Variants in VPS13B observed in about 807,000 individuals in gnomAD.
The protein encoded by VPS13B is vacuolar protein sorting 13 homolog B.
Under a neutral mutation model 426.4 loss-of-function variants are expected in VPS13B, and 285 were observed. The observed-to-expected ratio is 0.67, with a 90% CI of 0.61 to 0.74. The LOEUF (loss-of-function observed/expected upper bound fraction) is 0.74, where lower values mean the gene tolerates loss of function less well. VPS13B is among the 30% of genes least tolerant of loss of function. The pLI is 0.00. For synonymous variants in VPS13B, 1,676 were observed against 1,676.4 expected (o/e 1.00, Z 0.01); for missense variants, 4,537 against 4,782.6 (o/e 0.95, Z 1.51).
At chr8:99,062,399 C>T (rs1264395154) in intron 3 of VPS13B, among the ~76,000 whole-genome samples, 4 of 152,160 alleles carry the variant, frequency 2.6e-5, no homozygotes, top group Admixed American at 1.3e-4. Flanking sequence ...TATCATTATT[C>T]TTTTCTTTTA....
At chr8:99,022,559 A>AT (rs1421420444) in intron 2 of VPS13B, among the ~76,000 whole-genome samples, 2 of 152,294 alleles carry the variant, frequency 1.3e-5, no homozygotes, top group East Asian at 1.9e-4. Context: ...TGTGCAATTG[A>AT]TAAAAAGTGT....
intron 3 of VPS13B, among the ~76,000 whole-genome samples, chr8:99,083,804 A>G (rs1334877624): frequency 7.5e-6 from 1 of 133,744 alleles, no homozygotes; most frequent in African/African-American, 2.9e-5. Flanking sequence ...CCAGGGATGA[A>G]GCCAACTTCA....
chr8:99,066,389 C>G (rs1279558244), intron 3 of VPS13B, among the ~76,000 whole-genome samples: 2 of 152,156 alleles, frequency 1.3e-5, no homozygotes, highest in African/African-American at 4.8e-5. Context: ...CTGAGAAAAA[C>G]AAGCAATGGG....
At chr8:99,327,803 G>T (rs1192190042) in intron 19 of VPS13B, among the ~76,000 whole-genome samples, 1 of 152,156 alleles carries the variant, frequency 6.6e-6, no homozygotes, top group Non-Finnish European at 1.5e-5. Flanking sequence ...TATCTCATAA[G>T]ATGCTAGTTT....
intron 17 of VPS13B, among the ~76,000 whole-genome samples, chr8:99,204,502 G>T (rs1382172689): frequency 1.3e-5 from 2 of 152,202 alleles, no homozygotes; most frequent in African/African-American, 2.4e-5. Flanking sequence ...AGCCAAAATT[G>T]ACAAATGGAA....
intron 35 of VPS13B, chr8:99,697,308 G>A (rs772663440): frequency 4.7e-5 from 27 of 572,234 alleles, no homozygotes; most frequent in Non-Finnish European, 6.2e-5. Context: ...GAAGGATGTC[G>A]CGCCCGAAGG....
At chr8:99,344,580 T>A (rs1340587915) in intron 19 of VPS13B, among the ~76,000 whole-genome samples, 1 of 152,208 alleles carries the variant, frequency 6.6e-6, no homozygotes, top group Non-Finnish European at 1.5e-5. Flanking sequence ...TCATATTATG[T>A]CTTCACCCAT....
chr8:99,288,306 A>G (rs1819551531), intron 19 of VPS13B, among the ~76,000 whole-genome samples: 1 of 151,844 alleles, frequency 6.6e-6, no homozygotes, highest in Non-Finnish European at 1.5e-5. Context: ...TTATGGGTCA[A>G]CTCCCAGTCA....
intron 40 of VPS13B, among the ~76,000 whole-genome samples, chr8:99,776,364 T>A (rs2130666049): frequency 6.6e-6 from 1 of 152,328 alleles, no homozygotes; most frequent in South Asian, 2.1e-4. Flanking sequence ...GATTCCAGGC[T>A]GGAATGCAGT....
At chr8:99,042,043 G>A (rs1842986247) in intron 3 of VPS13B, among the ~76,000 whole-genome samples, 1 of 151,874 alleles carries the variant, frequency 6.6e-6, no homozygotes, top group African/African-American at 2.4e-5. Context: ...GGGAGGCTGA[G>A]GCAGGAGAAT....
intron 2 of VPS13B, among the ~76,000 whole-genome samples, chr8:99,023,646 A>C (rs1475741116): frequency 6.6e-6 from 1 of 151,844 alleles, no homozygotes; most frequent in Non-Finnish European, 1.5e-5. Context: ...ACACCTGGCT[A>C]ATTTTTGTAT....
chr8:99,615,677 A>G (rs1396719397), intron 33 of VPS13B, among the ~76,000 whole-genome samples: 1 of 152,218 alleles, frequency 6.6e-6, no homozygotes, highest in Non-Finnish European at 1.5e-5. Context: ...AAAATCAGAT[A>G]AATTTCTGTA....
At chr8:99,426,061 C>A (rs1295795773) in intron 21 of VPS13B, among the ~76,000 whole-genome samples, 12 of 126,350 alleles carry the variant, frequency 9.5e-5, no homozygotes, top group Non-Finnish European at 3.3e-5. Context: ...TCCCTCCCCC[C>A]CTCCCCCCAC....
At chr8:99,104,779 A>G (rs1846955031) in intron 5 of VPS13B, among the ~76,000 whole-genome samples, 1 of 151,792 alleles carries the variant, frequency 6.6e-6, no homozygotes, top group Non-Finnish European at 1.5e-5. Context: ...GTGCACTACC[A>G]TGCCTGGCTA....
intron 3 of VPS13B, among the ~76,000 whole-genome samples, chr8:99,084,070 G>A (rs1207287924): frequency 4.6e-5 from 7 of 152,142 alleles, no homozygotes; most frequent in Non-Finnish European, 4.4e-5. Context: ...GAATTCGGCC[G>A]TGAATCCATC....
chr8:99,466,524 C>T (rs3105203), intron 23 of VPS13B, among the ~76,000 whole-genome samples: 26,425 of 151,856 alleles, frequency 0.17, 2,816 homozygotes, highest in East Asian at 0.38. Flanking sequence ...AAATTACTTT[C>T]CTATATTTAC....
In VPS13B at chr8:99,613,632, T is replaced by C. The variant is rs569757011; in HGVS notation, c.5221-28179T>C. Among the ~76,000 whole-genome samples the C allele has an allele frequency of 3.5e-4, 53 of 152,338 alleles. No homozygotes were observed. In the South Asian group the frequency reaches 0.011, roughly 31 times the overall value. ...GAAAATGTTTTCATTTCTTCTGTTG[T>C]TCAGTGGTAAATTACCATAAATGTC... is the stretch of plus-strand genomic sequence containing the variant. On this transcript the variant is annotated intron_variant, in intron 33 of 61. Transcript: ENST00000357162.
chr8:99,155,735 G>T (rs965666118), intron 14 of VPS13B, among the ~76,000 whole-genome samples: 3 of 152,002 alleles, frequency 2.0e-5, no homozygotes, highest in Non-Finnish European at 2.9e-5. Context: ...ACCATCTTTG[G>T]CCAATACCCG....
chr8:99,561,374 A>G (rs1285264816), intron 31 of VPS13B, among the ~76,000 whole-genome samples: 1 of 152,202 alleles, frequency 6.6e-6, no homozygotes, highest in East Asian at 1.9e-4. Flanking sequence ...TCCAAATTGT[A>G]GCATATATCA....
Sources: allele counts gnomAD v4.1 joint callset (sites outside exome capture counted in the v4.1 genomes callset), GRCh38; gene constraint gnomAD v4.1.1; transcripts MANE v1.5; gene names NCBI Gene and HGNC (gene_info 2026-07-23, HGNC 2026-07-21).